LINGO2: variants seen among roughly 807,000 people sequenced by gnomAD.
LINGO2 encodes leucine-rich repeat and immunoglobulin-like domain-containing nogo receptor-interacting protein 2.
In LINGO2, 14 loss-of-function variants were observed where a neutral mutation model predicts 30.6. That is an observed-to-expected ratio of 0.46 (90% CI 0.30 to 0.72). The LOEUF (loss-of-function observed/expected upper bound fraction) is 0.72. LINGO2 is among the 30% of genes least tolerant of loss of function. The pLI, the probability that LINGO2 is intolerant of heterozygous loss-of-function variation, is 0.07. For missense variants in LINGO2, 729 were observed against 751.7 expected (o/e 0.97, Z 0.35); for synonymous variants, 317 against 288.5 (o/e 1.10, Z -1.00).
At position 28,481,079 on chromosome 9, in the gene LINGO2, G is replaced by A. The variant is rs530105291; in HGVS notation, c.-364-5054C>T. ...AGCTCCCCTGTGTAATACAAGGTTG[G>A]AGAATGGGCATGGAGCCCCATTTCT... is the stretch of plus-strand genomic sequence containing the variant. On this transcript the variant is annotated intron_variant, in intron 1 of 5. Coordinates refer to ENST00000379992, the Ensembl canonical transcript of LINGO2. 3.6e-3 allele frequency among the ~76,000 whole-genome samples: 328 copies of A among 90,216 alleles called. 1 individual carries two copies. Among genetic ancestry groups the A allele is most frequent in the African/African-American group, 0.011 (313 of 28,856 alleles). 59.2% of individuals were successfully genotyped at this position (90,216 alleles called of 152,430 possible). A position where few individuals can be genotyped will look rare whatever the true frequency, so the allele number is the denominator to read the frequency against.
chr9:28,441,088 C>T (rs1409863675), intron 2 of LINGO2, among the ~76,000 whole-genome samples: 3 of 151,860 alleles, frequency 2.0e-5, no homozygotes, highest in African/African-American at 7.3e-5. Context: ...ACTTTCTTGC[C>T]CTCTCACAGT....
the LINGO2 span, among the ~76,000 whole-genome samples, chr9:28,695,993 T>C: frequency 6.6e-6 from 1 of 151,898 alleles, no homozygotes; most frequent in African/African-American, 2.4e-5. Flanking sequence ...TAAAAACAAC[T>C]TGATAAAAAA....
At chr9:28,596,753 A>C (rs141722527) in intron 1 of LINGO2, among the ~76,000 whole-genome samples, 1 of 152,312 alleles carries the variant, frequency 6.6e-6, no homozygotes, top group East Asian at 1.9e-4. Context: ...AATATACATC[A>C]TTATCTTTAT....
intron 2 of LINGO2, among the ~76,000 whole-genome samples, chr9:28,435,126 T>C (rs969465328): frequency 7.2e-5 from 11 of 152,118 alleles, no homozygotes; most frequent in South Asian, 2.1e-4. Context: ...GCACTCAGTA[T>C]ACAAATATTA....
chr9:28,243,483 A>AGAG, intron 4 of LINGO2, among the ~76,000 whole-genome samples: 1 of 151,392 alleles, frequency 6.6e-6, no homozygotes, highest in African/African-American at 2.4e-5. Flanking sequence ...AAGAAGAAGA[A>AGAG]GACACAGACT....
intron 4 of LINGO2, among the ~76,000 whole-genome samples, chr9:28,049,683 G>A (rs1824583870): frequency 6.6e-6 from 1 of 150,644 alleles, no homozygotes; most frequent in Non-Finnish European, 1.5e-5. Flanking sequence ...GAGACCAAAT[G>A]TGTAAAGGAG....
In LINGO2 at chr9:28,021,360, G is replaced by A. The variant is rs1195953416; in HGVS notation, c.-86-8955C>T. Among the ~76,000 whole-genome samples, 7 of 152,096 alleles carry A rather than the reference G, an allele frequency of 4.6e-5. 1 individual carries two copies. The highest frequency in any genetic ancestry group is 1.4e-4 in the African/African-American group (6 of 41,428). ...CTACTTTAATCCCATTGTAGTCTAA[G>A]TACATTGTATAATTCTTATTAAAGT... On this transcript the variant is annotated intron_variant, in intron 4 of 5. Coordinates refer to ENST00000379992, the Ensembl canonical transcript of LINGO2.
chr9:28,854,637 C>T, the LINGO2 span, among the ~76,000 whole-genome samples: 1 of 151,836 alleles, frequency 6.6e-6, no homozygotes, highest in South Asian at 2.1e-4. Flanking sequence ...AAGTAGAAGT[C>T]CTTAACTTGT....
intron 4 of LINGO2, among the ~76,000 whole-genome samples, chr9:28,021,496 A>C (rs1208955594): frequency 6.6e-6 from 1 of 152,116 alleles, no homozygotes; most frequent in Non-Finnish European, 1.5e-5. Context: ...TATAAATGTC[A>C]ATTAGATTAA....
chr9:29,045,044 C>T, the LINGO2 span, among the ~76,000 whole-genome samples: 2 of 151,960 alleles, frequency 1.3e-5, no homozygotes, highest in African/African-American at 2.4e-5. Context: ...AAAATGCCTA[C>T]CTGATGAGAT....
At chr9:28,297,761 G>T (rs141113153) in intron 3 of LINGO2, among the ~76,000 whole-genome samples, 2 of 152,294 alleles carry the variant, frequency 1.3e-5, no homozygotes, top group African/African-American at 4.8e-5. Flanking sequence ...GAGTTAAAAT[G>T]AATCAGATAA....
chr9:28,326,870 CAT>C (rs1825248360), intron 3 of LINGO2, among the ~76,000 whole-genome samples: 1 of 152,124 alleles, frequency 6.6e-6, no homozygotes, highest in African/African-American at 2.4e-5. Flanking sequence ...CCCCTGGACA[CAT>C]AAATACCATT....
At chr9:28,035,581 A>G (rs1358571104) in intron 4 of LINGO2, among the ~76,000 whole-genome samples, 3 of 152,236 alleles carry the variant, frequency 2.0e-5, no homozygotes, top group Non-Finnish European at 2.9e-5. Flanking sequence ...CCATATTCAC[A>G]TAATTGGTAA....
the LINGO2 span, among the ~76,000 whole-genome samples, chr9:28,873,478 T>G: frequency 6.6e-6 from 1 of 151,882 alleles, no homozygotes; most frequent in Non-Finnish European, 1.5e-5. Context: ...CACTTCTCTA[T>G]AAAATGGCTA....
chr9:27,976,444 C>T (rs144931544), intron 5 of LINGO2, among the ~76,000 whole-genome samples: 1 of 152,096 alleles, frequency 6.6e-6, no homozygotes, highest in East Asian at 1.9e-4. Context: ...ACCAAATGGT[C>T]TGGATTAAGC....
intron 2 of LINGO2, among the ~76,000 whole-genome samples, chr9:28,456,465 T>C (rs748548588): frequency 2.0e-4 from 31 of 152,150 alleles, no homozygotes; most frequent in Non-Finnish European, 2.5e-4. Flanking sequence ...TGAAGACAAA[T>C]AAATATAAAA....
At chr9:28,909,081 G>T in the LINGO2 span, among the ~76,000 whole-genome samples, 2 of 151,866 alleles carry the variant, frequency 1.3e-5, no homozygotes, top group African/African-American at 4.8e-5. Context: ...CATCTTCCCA[G>T]ATAATTCTGC....
intron 4 of LINGO2, among the ~76,000 whole-genome samples, chr9:28,060,901 G>T (rs1389640473): frequency 6.6e-6 from 1 of 151,948 alleles, no homozygotes; most frequent in Non-Finnish European, 1.5e-5. Context: ...TCTCTTCAGG[G>T]TTTACAGATA....
the LINGO2 span, among the ~76,000 whole-genome samples, chr9:29,114,023 C>G: frequency 6.6e-6 from 1 of 151,474 alleles, no homozygotes. Context: ...CCTGCTCATT[C>G]CTCTCAGCTA....
Sources: allele counts gnomAD v4.1 joint callset (sites outside exome capture counted in the v4.1 genomes callset), GRCh38; gene constraint gnomAD v4.1.1; transcripts MANE v1.5; gene names NCBI Gene and HGNC (gene_info 2026-07-23, HGNC 2026-07-21).